Variants in PCDH9 observed in about 807,000 individuals in gnomAD.
PCDH9 encodes protocadherin 9.
Under a neutral mutation model 70.6 loss-of-function variants are expected in PCDH9, and 24 were observed. The ratio of observed to expected loss-of-function variants is 0.34; its 90% confidence interval spans 0.25 to 0.48. The LOEUF is 0.48. Ranked by LOEUF, PCDH9 falls within the 20% of genes least tolerant of loss-of-function variation. The pLI is 0.99. For missense variants in PCDH9, 1,281 were observed against 1,503.6 expected, an observed-to-expected ratio of 0.85 and a Z score of 2.45; for synonymous variants, 562 against 558.5, an observed-to-expected ratio of 1.01 and a Z score of -0.09.
chr13:66,614,341 CA>C (rs2077330189), intron 4 of PCDH9, among the ~76,000 whole-genome samples: 1 of 150,988 alleles, frequency 6.6e-6, no homozygotes, highest in African/African-American at 2.4e-5. Context: ...TGACTAAATT[CA>C]AAAAAGGGTA....
At chr13:66,858,766 C>T (rs1251543625) in intron 3 of PCDH9, among the ~76,000 whole-genome samples, 1 of 151,968 alleles carries the variant, frequency 6.6e-6, no homozygotes. Flanking sequence ...TGTAATAATT[C>T]TCACAAGTTG....
In PCDH9 at chr13:67,227,641, A is replaced by G. The variant is rs749473483; in HGVS notation, c.800T>C (p.Val267Ala). ...ATGGAGCTGAATTACAGAGGTACCT[A>G]CGGGAGCATTCTCTGGAATATGCAC... ...VEVHIPENAPVGTSVIQLHAT... is the reference protein window; with the variant it reads ...VEVHIPENAPAGTSVIQLHAT... Residue 267 changes from valine to alanine, a missense_variant, in exon 2 of 5, where the codon GTA (valine) becomes GCA (alanine). Physicochemically the swap from Val to Ala is moderately conservative, Grantham distance 64. Around this residue, in one of 4 missense-constraint regions of PCDH9, gnomAD observed 798 missense variants for 1,003.1 expected, o/e 0.80. Transcript: ENST00000377865. The surrounding 1 kb of genome is among the most constrained non-coding windows in gnomAD (Gnocchi z 4.6). 6.2e-7 allele frequency: 1 copy of G among 1,613,200 alleles called. No individual in the cohort carries two copies. Among genetic ancestry groups the G allele is most frequent in the Non-Finnish European group, 8.5e-7 (1 of 1,179,124 alleles).
chr13:66,995,337 C>T (rs1234999117), intron 2 of PCDH9, among the ~76,000 whole-genome samples: 1 of 152,062 alleles, frequency 6.6e-6, no homozygotes, highest in Non-Finnish European at 1.5e-5. Context: ...TTCACAAGCA[C>T]CACGGGCGAA....
intron 4 of PCDH9, among the ~76,000 whole-genome samples, chr13:66,459,588 A>G (rs1042613974): frequency 9.2e-5 from 14 of 151,962 alleles, no homozygotes; most frequent in African/African-American, 3.1e-4. Context: ...AACTACAAAA[A>G]TTTTACAAAA....
intron 3 of PCDH9, among the ~76,000 whole-genome samples, chr13:66,635,978 T>G (rs1206483492): frequency 6.6e-6 from 1 of 152,148 alleles, no homozygotes; most frequent in African/African-American, 2.4e-5. Flanking sequence ...TTATGTCAAT[T>G]AATATGTATT....
intron 2 of PCDH9, among the ~76,000 whole-genome samples, chr13:67,174,112 G>A (rs2138455856): frequency 6.6e-6 from 1 of 151,964 alleles, no homozygotes; most frequent in Non-Finnish European, 1.5e-5. Flanking sequence ...AACATTGATT[G>A]AATTAACAAG....
chr13:66,415,142 A>G (rs1448685278), intron 4 of PCDH9, among the ~76,000 whole-genome samples: 1 of 152,168 alleles, frequency 6.6e-6, no homozygotes, highest in Non-Finnish European at 1.5e-5. Context: ...TTTAGATATT[A>G]ATTTTAAAAA....
intron 4 of PCDH9, among the ~76,000 whole-genome samples, chr13:66,624,952 A>G (rs571865670): frequency 7.6e-4 from 5 of 6,622 alleles, no homozygotes; most frequent in Admixed American, 6.9e-3. Context: ...AATTTAAAAC[A>G]CGTAAAAAAA....
At chr13:66,466,255 A>G (rs1327972824) in intron 4 of PCDH9, among the ~76,000 whole-genome samples, 1 of 151,802 alleles carries the variant, frequency 6.6e-6, no homozygotes, top group Non-Finnish European at 1.5e-5. Flanking sequence ...GAAGTTAGAA[A>G]TATCTTTTAC....
intron 2 of PCDH9, among the ~76,000 whole-genome samples, chr13:66,928,791 T>C (rs957266204): frequency 3.3e-5 from 5 of 152,130 alleles, no homozygotes; most frequent in South Asian, 2.1e-4. Flanking sequence ...TTCTATTTTT[T>C]ATAAGTTACC....
rs1310333844 is a variant in PCDH9 at position 66,600,714 on chromosome 13, G to T, written c.3340+30496C>A. ...AGTTTATGGCTGAACTCTTTCTTATGTATTCATAAAAATGAATGTATAATA... is the reference window on the plus strand; with the variant it reads ...AGTTTATGGCTGAACTCTTTCTTATTTATTCATAAAAATGAATGTATAATA... On this transcript the variant is annotated intron_variant, in intron 4 of 4. Transcript: ENST00000377865. Among the ~76,000 whole-genome samples the T allele has an allele frequency of 2.1e-5, 3 of 146,186 alleles. 1 individual carries two copies. Among genetic ancestry groups the T allele is most frequent in the Non-Finnish European group, 4.6e-5 (3 of 65,060 alleles).
intron 4 of PCDH9, among the ~76,000 whole-genome samples, chr13:66,609,758 T>C (rs1167391113): frequency 1.3e-5 from 2 of 151,970 alleles, no homozygotes; most frequent in Non-Finnish European, 2.9e-5. Context: ...AAATCAAATA[T>C]CTGAACAGTC....
intron 2 of PCDH9, among the ~76,000 whole-genome samples, chr13:66,909,435 C>CA (rs796567431): frequency 0.056 from 8,023 of 143,314 alleles, 295 homozygotes; most frequent in African/African-American, 0.1. Flanking sequence ...CACAGAATTA[C>CA]AAAAAAAAAA....
chr13:67,086,705 C>A (rs2086115117), intron 2 of PCDH9, among the ~76,000 whole-genome samples: 1 of 152,022 alleles, frequency 6.6e-6, no homozygotes, highest in South Asian at 2.1e-4. Flanking sequence ...TATAAAAGAG[C>A]AAAGTGGCTG....
chr13:66,914,258 T>C (rs914978559), intron 2 of PCDH9: 35 of 152,086 alleles, frequency 2.3e-4, no homozygotes, highest in African/African-American at 8.2e-4. Flanking sequence ...TGAAGGAATA[T>C]ACTTTAACAA....
Position 66,754,760 on chromosome 13 carries a change from T to C in PCDH9, c.3139-123349A>G, listed in dbSNP as rs186287745. Among the ~76,000 whole-genome samples the C allele has an allele frequency of 7.2e-5, 11 of 152,260 alleles. No homozygotes were observed. In the East Asian group the frequency reaches 2.1e-3, roughly 29 times the overall value. On this transcript the variant is annotated intron_variant, in intron 3 of 4. Coordinates refer to ENST00000377865, the MANE Select transcript of PCDH9 (RefSeq NM_203487.3). ...AACTTTAGTCGTTCCTAGATCAAAA[T>C]AATACATCATACTGGTATCCAATTA...
At chr13:66,603,621 A>T (rs1407312524) in intron 4 of PCDH9, among the ~76,000 whole-genome samples, 2 of 151,984 alleles carry the variant, frequency 1.3e-5, no homozygotes, top group Non-Finnish European at 2.9e-5. Context: ...TCATGTTTAT[A>T]ATCAGGTCCT....
intron 3 of PCDH9, among the ~76,000 whole-genome samples, chr13:66,726,946 T>C (rs915610560): frequency 2.0e-5 from 3 of 152,122 alleles, no homozygotes; most frequent in South Asian, 2.1e-4. Flanking sequence ...AATTCCTAAG[T>C]ATTTGGATTG....
chr13:66,458,254 T>A (rs370221513), intron 4 of PCDH9, among the ~76,000 whole-genome samples: 1 of 152,030 alleles, frequency 6.6e-6, no homozygotes, highest in Non-Finnish European at 1.5e-5. Context: ...TTTCTGGTCA[T>A]TTTAGATCAT....
Sources: allele counts gnomAD v4.1 joint callset (sites outside exome capture counted in the v4.1 genomes callset), GRCh38; gene constraint gnomAD v4.1.1; regional missense constraint gnomAD v4.1.1; non-coding constraint Gnocchi (gnomAD v3.1); transcripts MANE v1.5; gene names NCBI Gene and HGNC (gene_info 2026-07-23, HGNC 2026-07-21).